The following GCNT1 variants were observed in gnomAD, a reference collection of about 807,000 sequenced individuals.
The protein encoded by GCNT1 is beta-1,3-galactosyl-O-glycosyl-glycoprotein beta-1,6-N-acetylglucosaminyltransferase.
In GCNT1, 16 loss-of-function variants were observed where a neutral mutation model predicts 26.2. The observed-to-expected ratio is 0.61, with a 90% CI of 0.41 to 0.93. The LOEUF (loss-of-function observed/expected upper bound fraction) is 0.93. GCNT1 is among the 40% of genes least tolerant of loss of function. GCNT1 has a pLI of 0.00. For synonymous variants in GCNT1, 183 were observed against 190.8 expected (o/e 0.96, Z 0.34); for missense variants, 477 against 526.7 (o/e 0.91, Z 0.92).
chr9:76,408,375 GT>G, the GCNT1 span, among the ~76,000 whole-genome samples: 2 of 151,936 alleles, frequency 1.3e-5, no homozygotes, highest in African/African-American at 4.8e-5. Flanking sequence ...ATATGATCAT[GT>G]TTTTTTCTTT....
intron 1 of GCNT1, among the ~76,000 whole-genome samples, chr9:76,443,813 G>A (rs531747020): frequency 2.0e-4 from 30 of 151,950 alleles, no homozygotes; most frequent in Middle Eastern, 3.4e-3. Context: ...CCTGGGAGGC[G>A]GAGGTTTCAG....
At chr9:76,404,367 T>C in the GCNT1 span, among the ~76,000 whole-genome samples, 1 of 152,198 alleles carries the variant, frequency 6.6e-6, no homozygotes, top group African/African-American at 2.4e-5. Context: ...GCATGAACTA[T>C]ATATTTAGAA....
At chr9:76,461,186 G>A (rs959498564) in intron 2 of GCNT1, among the ~76,000 whole-genome samples, 6 of 125,700 alleles carry the variant, frequency 4.8e-5, no homozygotes, top group Non-Finnish European at 8.1e-5. Context: ...GCCATACAGT[G>A]TAGGCAGCTT....
At position 76,480,630 on chromosome 9, in the gene GCNT1, G is replaced by A. The variant is rs146475226; in HGVS notation, c.-289-20286G>A. 9.2e-3 allele frequency among the ~76,000 whole-genome samples: 1,400 copies of A among 152,260 alleles called. 16 individuals carry two copies. Among genetic ancestry groups the A allele is most frequent in the African/African-American group, 0.032 (1,315 of 41,534 alleles). ...CCCTGGTGTGCCTTTGGGAGAGAGA[G>A]CATGGGGAAAGAGGATGCTTTTTCT... On this transcript the variant is annotated intron_variant, in intron 2 of 3. Coordinates refer to ENST00000376730, the MANE Select transcript of GCNT1 (RefSeq NM_001490.5).
chr9:76,506,049 T>C lies in GCNT1; in HGVS notation c.*2381T>C, dbSNP rs938049722. ...GGGGCTCAAAGTATCTTTTAGACTTTTAAGGACAATTTACAGCAAATGAAA... is the reference window on the plus strand; with the variant it reads ...GGGGCTCAAAGTATCTTTTAGACTTCTAAGGACAATTTACAGCAAATGAAA... On this transcript the variant is annotated 3_prime_UTR_variant, in exon 4 of 4. Coordinates refer to ENST00000376730, the MANE Select transcript of GCNT1 (RefSeq NM_001490.5). 1 of 167,024 alleles carries C rather than the reference T, an allele frequency of 6.0e-6. No individual in the cohort carries two copies. The highest frequency in any genetic ancestry group is 1.5e-5 in the Non-Finnish European group (1 of 68,116). The allele number at this position is 167,024 out of a possible 1,614,324, so 10.3% of individuals were successfully genotyped here. A position where few individuals can be genotyped will look rare whatever the true frequency, so the allele number is the denominator to read the frequency against.
chr9:76,414,132 C>G, the GCNT1 span, among the ~76,000 whole-genome samples: 10 of 152,156 alleles, frequency 6.6e-5, no homozygotes, highest in Admixed American at 1.3e-4. Flanking sequence ...TCAATTAGAG[C>G]CTTTACTATG....
At chr9:76,461,207 T>C (rs1210841531) in intron 2 of GCNT1, among the ~76,000 whole-genome samples, 1 of 151,740 alleles carries the variant, frequency 6.6e-6, no homozygotes, top group East Asian at 1.9e-4. Flanking sequence ...TTTTTTTTTT[T>C]TTTTTTTTCC....
chr9:76,503,936 AG>A lies in GCNT1; in HGVS notation c.*272del. 2.2e-6 allele frequency: 1 copy of A among 457,672 alleles called. No individual in the cohort carries two copies. The highest frequency in any genetic ancestry group is 4.1e-6 in the Non-Finnish European group (1 of 241,364). 28.4% of individuals were successfully genotyped at this position (457,672 alleles called of 1,614,324 possible). On this transcript the variant is annotated 3_prime_UTR_variant, in exon 4 of 4. Transcript: ENST00000376730. ...GCAGGTAGCAAGGCATTGTGGAAAGAGGGGACCAGGGTGGCTGGGGAAGAGG... is the reference window on the plus strand; with the variant it reads ...GCAGGTAGCAAGGCATTGTGGAAAGAGGGACCAGGGTGGCTGGGGAAGAGG...
chr9:76,483,456 C>G (rs1720904111), intron 2 of GCNT1, among the ~76,000 whole-genome samples: 1 of 151,752 alleles, frequency 6.6e-6, no homozygotes, highest in Non-Finnish European at 1.5e-5. Flanking sequence ...TCTCTATCAC[C>G]CAGTCTAGAG....
rs1254220721 is a variant in GCNT1 at position 76,507,017 on chromosome 9, C to A, written c.*3349C>A. 6.0e-6 allele frequency: 1 copy of A among 167,004 alleles called. No homozygotes were observed. Among genetic ancestry groups the A allele is most frequent in the Non-Finnish European group, 1.5e-5 (1 of 68,094 alleles). 10.3% of individuals were successfully genotyped at this position (167,004 alleles called of 1,614,324 possible). ...TTGAAAATGCATTTAATATCTCTTA[C>A]CTGAAATCATAACTTAGCCAAGCCT... is the stretch of plus-strand genomic sequence containing the variant. On this transcript the variant is annotated 3_prime_UTR_variant, in exon 4 of 4. Transcript: ENST00000376730.
chr9:76,433,608 G>A (rs1324468054), intron 1 of GCNT1, among the ~76,000 whole-genome samples: 1 of 152,206 alleles, frequency 6.6e-6, no homozygotes, highest in Non-Finnish European at 1.5e-5. Context: ...GGGGCTGAGT[G>A]CTGCAGTCGC....
intron 3 of GCNT1, chr9:76,502,004 TC>T (rs757658869): frequency 1.3e-5 from 2 of 152,306 alleles, no homozygotes; most frequent in Non-Finnish European, 2.9e-5. Flanking sequence ...TCTTTTGTTT[TC>T]TTTTTCAATC....
chr9:76,427,091 T>G (rs190106040), intron 1 of GCNT1, among the ~76,000 whole-genome samples: 1 of 152,094 alleles, frequency 6.6e-6, no homozygotes, highest in African/African-American at 2.4e-5. Flanking sequence ...ACAAAGAAAT[T>G]TAAACACAGA....
intron 2 of GCNT1, among the ~76,000 whole-genome samples, chr9:76,460,826 T>A (rs1164572771): frequency 6.6e-6 from 1 of 152,180 alleles, no homozygotes; most frequent in East Asian, 1.9e-4. Context: ...CACTGCCACC[T>A]CCTCTGCCCG....
the GCNT1 span, among the ~76,000 whole-genome samples, chr9:76,408,121 TTC>T: frequency 6.6e-6 from 1 of 152,208 alleles, no homozygotes; most frequent in Non-Finnish European, 1.5e-5. Context: ...TACCTTTTAT[TTC>T]TGTTTCTTTC....
At chr9:76,446,536 G>A (rs1823580479) in intron 1 of GCNT1, among the ~76,000 whole-genome samples, 1 of 152,158 alleles carries the variant, frequency 6.6e-6, no homozygotes, top group South Asian at 2.1e-4. Flanking sequence ...CTTTTTAAAT[G>A]CACATACATT....
At chr9:76,464,826 A>G (rs1194671353) in intron 2 of GCNT1, among the ~76,000 whole-genome samples, 1 of 152,248 alleles carries the variant, frequency 6.6e-6, no homozygotes, top group Non-Finnish European at 1.5e-5. Flanking sequence ...TCTCAAAGGC[A>G]GATACTGGGC....
At chr9:76,453,082 G>A (rs13300561) in intron 1 of GCNT1, among the ~76,000 whole-genome samples, 2 of 152,136 alleles carry the variant, frequency 1.3e-5, no homozygotes, top group East Asian at 3.8e-4. Context: ...TCACCCCTTA[G>A]GCTGTGAGTA....
At chr9:76,462,055 TAGAAAAC>T (rs1823882108) in intron 2 of GCNT1, among the ~76,000 whole-genome samples, 1 of 152,216 alleles carries the variant, frequency 6.6e-6, no homozygotes, top group South Asian at 2.1e-4. Context: ...AATGAAGTGG[TAGAAAAC>T]AGAAATTACT....
Sources: allele counts gnomAD v4.1 joint callset (sites outside exome capture counted in the v4.1 genomes callset), GRCh38; gene constraint gnomAD v4.1.1; transcripts MANE v1.5; gene names NCBI Gene and HGNC (gene_info 2026-07-23, HGNC 2026-07-21).